Variants in ZFPM1 observed in about 807,000 individuals in gnomAD.
ZFPM1 encodes zinc finger protein, FOG family member 1, also known as zinc finger protein ZFPM1.
A neutral mutation model predicts 46.3 loss-of-function variants in ZFPM1; 28 were observed. That is an observed-to-expected ratio of 0.60 (90% CI 0.45 to 0.83). ZFPM1 has a LOEUF of 0.83. Among genes scored for constraint, ZFPM1 ranks in the 40% least tolerant of loss-of-function variants. ZFPM1 has a pLI of 0.00. For synonymous variants in ZFPM1, 957 were observed against 675.9 expected, an observed-to-expected ratio of 1.42 and a Z score of -6.45; for missense variants, 1,878 against 1,432.4, an observed-to-expected ratio of 1.31 and a Z score of -5.02.
chr16:88,467,983 C>A (rs1908216381), intron 1 of ZFPM1, among the ~76,000 whole-genome samples: 1 of 151,844 alleles, frequency 6.6e-6, no homozygotes, highest in Non-Finnish European at 1.5e-5. Context: ...AGAACACACT[C>A]TCAACCCGCA....
intron 3 of ZFPM1, among the ~76,000 whole-genome samples, chr16:88,493,818 G>A (rs1453941211): frequency 2.0e-5 from 3 of 152,132 alleles, no homozygotes; most frequent in Non-Finnish European, 4.4e-5. Flanking sequence ...GGATCAGGGA[G>A]GCACTCAGTG....
intron 3 of ZFPM1, among the ~76,000 whole-genome samples, chr16:88,509,794 A>T (rs995981774): frequency 6.6e-6 from 1 of 152,182 alleles, no homozygotes; most frequent in African/African-American, 2.4e-5. Context: ...CCTCCCTGCT[A>T]TGTGACCCCC....
chr16:88,489,147 G>A lies in ZFPM1; in HGVS notation c.262G>A (p.Gly88Arg), dbSNP rs1232958116. Residue 88 changes from glycine (G) to arginine (R), a missense_variant, in exon 3 of 10, where the codon GGG becomes AGG. By Grantham distance (125) the Gly-to-Arg change is moderately radical. Transcript: ENST00000319555. ...TEEEPGSPWSGPDELEPVVQD... is the reference protein window; with the variant it reads ...TEEEPGSPWSRPDELEPVVQD... The stretch of plus-strand genomic sequence containing the variant: ...GGAAGAGCCGGGCAGTCCCTGGAGC[G>A]GGCCAGGTAACCACGCGGGTGGTGG... 9 of 1,601,656 alleles carry A rather than the reference G, an allele frequency of 5.6e-6. No homozygotes were observed. Among genetic ancestry groups the A allele is most frequent in the East Asian group, 2.3e-5 (1 of 43,864 alleles).
intron 3 of ZFPM1, among the ~76,000 whole-genome samples, chr16:88,501,399 G>T (rs1484517697): frequency 1.6e-5 from 2 of 125,074 alleles, no homozygotes; most frequent in East Asian, 5.0e-4. Context: ...CCCTCCCGCA[G>T]GTGCTGGTGA....
chr16:88,533,125 C>T, intron 9 of ZFPM1, 23 bp from the exon 10 acceptor site: 1 of 1,254,464 alleles, frequency 8.0e-7, no homozygotes, highest in South Asian at 1.4e-5. Context: ...GCCTGAGGTG[C>T]CACCCCTGCG....
chr16:88,474,637 A>G (rs1908590855), intron 1 of ZFPM1, among the ~76,000 whole-genome samples: 1 of 152,072 alleles, frequency 6.6e-6, no homozygotes, highest in Non-Finnish European at 1.5e-5. Context: ...AGTCACAGGT[A>G]AAGGTTAGCC....
At chr16:88,499,419 C>T (rs961173186) in intron 3 of ZFPM1, among the ~76,000 whole-genome samples, 3 of 152,176 alleles carry the variant, frequency 2.0e-5, no homozygotes, top group Non-Finnish European at 2.9e-5. Context: ...GGCCGCGCAG[C>T]GGGTGGGAGA....
chr16:88,487,269 T>A (rs573650029), intron 2 of ZFPM1, among the ~76,000 whole-genome samples: 8 of 152,104 alleles, frequency 5.3e-5, no homozygotes, highest in African/African-American at 1.7e-4. Context: ...TGGGGTGGGC[T>A]CCACCCAGCT....
At chr16:88,506,818 G>A (rs1910687902) in intron 3 of ZFPM1, among the ~76,000 whole-genome samples, 1 of 152,220 alleles carries the variant, frequency 6.6e-6, no homozygotes, top group South Asian at 2.1e-4. Context: ...CCAGAAGCCA[G>A]GCTAATCTGC....
intron 1 of ZFPM1, among the ~76,000 whole-genome samples, chr16:88,482,578 A>C (rs1388978217): frequency 6.6e-6 from 1 of 152,090 alleles, no homozygotes; most frequent in Non-Finnish European, 1.5e-5. Flanking sequence ...TGGGTGGGGT[A>C]TGGAGAGCCA....
Position 88,469,498 on chromosome 16 carries a change from C to T in ZFPM1, c.40+15820C>T, listed in dbSNP as rs1308934764. Among the ~76,000 whole-genome samples the T allele has an allele frequency of 6.6e-6, 1 of 152,204 alleles. No homozygotes were observed. The highest frequency in any genetic ancestry group is 2.4e-5 in the African/African-American group (1 of 41,452). On this transcript the variant is annotated intron_variant, in intron 1 of 9. Transcript: ENST00000319555. This position sits in a 1 kb window ranked among gnomAD's most constrained non-coding sequence, Gnocchi z 4.3. ...GTGGCATAGCCTGGAAACCTGGGGT[C>T]TTCCAGATTTCCCATTGTCAGAAAT...
intron 1 of ZFPM1, among the ~76,000 whole-genome samples, chr16:88,468,617 T>G (rs1290204195): frequency 6.6e-6 from 1 of 152,006 alleles, no homozygotes; most frequent in East Asian, 1.9e-4. Flanking sequence ...ACCAGCCCCA[T>G]GCAGCTTTCT....
chr16:88,487,153 C>T (rs1415704126), intron 2 of ZFPM1, among the ~76,000 whole-genome samples: 2 of 152,190 alleles, frequency 1.3e-5, no homozygotes, highest in Admixed American at 6.5e-5. Context: ...ACCCCAGACA[C>T]ATCCAGAGAC....
chr16:88,494,758 G>T (rs1246804323), intron 3 of ZFPM1, among the ~76,000 whole-genome samples: 1 of 152,102 alleles, frequency 6.6e-6, no homozygotes, highest in Non-Finnish European at 1.5e-5. Context: ...CAGTGAGGCA[G>T]CAGGAGGAGC....
chr16:88,496,880 A>G (rs1190757187), intron 3 of ZFPM1, among the ~76,000 whole-genome samples: 1 of 152,162 alleles, frequency 6.6e-6, no homozygotes, highest in African/African-American at 2.4e-5. Context: ...CTCTACAGTT[A>G]GGGAAACGGG....
At chr16:88,479,174 G>A (rs1180302487) in intron 1 of ZFPM1, among the ~76,000 whole-genome samples, 6 of 152,304 alleles carry the variant, frequency 3.9e-5, no homozygotes, top group Admixed American at 1.3e-4. Flanking sequence ...GGTGAGTCCC[G>A]AGTCCCAACC....
rs145913627 is a variant in ZFPM1, at chr16:88,488,948, C to T, written c.146-83C>T. ...AGCTCCCCAACCCGGCGCCCAGCGC[C>T]TCAGCATCCTTCCCAGCTACAGGGA... On this transcript the variant is annotated intron_variant, in intron 2 of 9. Transcript: ENST00000319555. 16 of 1,534,318 alleles carry T rather than the reference C, an allele frequency of 1.0e-5. No individual in the cohort carries two copies. In the East Asian group the frequency reaches 3.3e-4, roughly 31 times the overall value.
In ZFPM1 at chr16:88,534,779, G is replaced by C; in HGVS notation, c.2821G>C (p.Glu941Gln). Reference sequence around the variant, plus strand: ...GCCCCCGTCCCCGGCCGCCGCGCCCGAGGCCGTGCCGCCCCCGCCGGCGCC... The same window carrying C: ...GCCCCCGTCCCCGGCCGCCGCGCCCCAGGCCGTGCCGCCCCCGCCGGCGCC... Reference protein sequence around the residue: ...GPPPSPAAAPEAVPPPPAPPS... With the variant: ...GPPPSPAAAPQAVPPPPAPPS... Residue 941 changes from glutamate to glutamine, a missense_variant, in exon 10 of 10, where the codon GAG (glutamate) becomes CAG (glutamine). Coordinates refer to ENST00000319555, the MANE Select transcript of ZFPM1 (RefSeq NM_153813.3). 1 of 1,261,730 alleles carries C rather than the reference G, an allele frequency of 7.9e-7. No homozygotes were observed. Among genetic ancestry groups the C allele is most frequent in the Non-Finnish European group, 1.0e-6 (1 of 999,546 alleles). 78.2% of individuals were successfully genotyped at this position (1,261,730 alleles called of 1,614,324 possible). A position where few individuals can be genotyped will look rare whatever the true frequency, so the allele number is the denominator to read the frequency against.
rs1910418138 is a variant in ZFPM1 at position 88,502,434 on chromosome 16, T to C, written c.269-11953T>C. ...TGACGCCTCTGTGCTTGCCCCTCCA[T>C]GTCCCCCAACCCCGTCCCTGTGCCC... is the stretch of plus-strand genomic sequence containing the variant. On this transcript the variant is annotated intron_variant, in intron 3 of 9. Coordinates refer to ENST00000319555, the MANE Select transcript of ZFPM1 (RefSeq NM_153813.3). Among the ~76,000 whole-genome samples the C allele has an allele frequency of 2.0e-5, 3 of 151,816 alleles. No individual in the cohort carries two copies. The South Asian group carries it at 6.3e-4, about 32-fold the overall frequency.
Sources: gnomAD v4.1 joint callset for allele counts (sites outside exome capture counted in the v4.1 genomes callset) on GRCh38, gnomAD v4.1.1 for gene constraint, Gnocchi (gnomAD v3.1) non-coding constraint, MANE v1.5 for transcripts, NCBI Gene and HGNC (gene_info 2026-07-23, HGNC 2026-07-21) for gene names.